Variants in PABIR3 observed in about 807,000 individuals in gnomAD.
PABIR3 encodes the protein PABIR family member 3.
Under a neutral mutation model 23.1 loss-of-function variants are expected in PABIR3, and 20 were observed. That is an observed-to-expected ratio of 0.86 (90% CI 0.61 to 1.26). The LOEUF (loss-of-function observed/expected upper bound fraction) is 1.26, where lower values mean the gene tolerates loss of function less well. Ranked by LOEUF, PABIR3 falls within the 50% of genes most tolerant of loss-of-function variation. The pLI is 0.00. For missense variants in PABIR3, 189 were observed against 195.4 expected, an observed-to-expected ratio of 0.97 and a Z score of 0.20; for synonymous variants, 69 against 68.5, an observed-to-expected ratio of 1.01 and a Z score of -0.04.
At chrX:134,811,595 CA>C (rs1025245992) in intron 2 of PABIR3, among the ~76,000 whole-genome samples, 1 of 110,613 alleles carries the variant, frequency 9.0e-6, no homozygotes, top group Non-Finnish European at 1.9e-5. Flanking sequence ...CTATGTTGGC[CA>C]GGCTAATTTT....
At chrX:134,838,637 C>T (rs1231488084) in intron 4 of PABIR3, 2 of 33,004 alleles carry the variant, frequency 6.1e-5, no homozygotes, top group Non-Finnish European at 1.0e-4. Flanking sequence ...CATTTTCCTC[C>T]CTCTCCCTCT....
At position 134,814,781 on chromosome X, in the gene PABIR3, CA is replaced by C; in HGVS notation, c.122del (p.Gln41ArgfsTer8). On this transcript the variant is annotated frameshift_variant, in exon 3 of 11. Coordinates refer to ENST00000645433, the MANE Select transcript of PABIR3 (RefSeq NM_001388447.1). LOFTEE classifies it high-confidence loss of function. ...TGTTTTTCTTTTTAGTTTTAATTCACAGGTGTTGCAAGCTGACATGTTAAGA... is the reference window on the plus strand; with the variant it reads ...TGTTTTTCTTTTTAGTTTTAATTCACGGTGTTGCAAGCTGACATGTTAAGA... ...PLINGLGFNS[Q>X]VLQADMLRIR... 3.4e-6 allele frequency: 4 copies of C among 1,181,537 alleles called. No individual in the cohort carries two copies. Among genetic ancestry groups the C allele is most frequent in the Non-Finnish European group, 4.6e-6 (4 of 878,511 alleles).
chrX:134,834,338 A>T (rs2081906613), intron 4 of PABIR3: 1 of 111,768 alleles, frequency 8.9e-6, no homozygotes, highest in Non-Finnish European at 1.9e-5. Context: ...GTCTGTTCAT[A>T]TCTTTTGCCC....
Position 134,845,421 on chromosome X carries a change from GTTTTGTAGAAAAT to G in PABIR3, c.345+23_345+35del. ...AAACTGGTATGATATTATAACTTCA[GTTTTGTAGAAAAT>G]TTCAAATTTTTACTGACTTACAGTG... On this transcript the variant is annotated intron_variant, in intron 6 of 10. Coordinates refer to ENST00000645433, the MANE Select transcript of PABIR3 (RefSeq NM_001388447.1). The G allele has an allele frequency of 1.7e-6, 2 of 1,160,004 alleles. No homozygotes were observed. Among genetic ancestry groups the G allele is most frequent in the Non-Finnish European group, 2.3e-6 (2 of 866,217 alleles).
At chrX:134,798,170 G>T (rs1180218681) in intron 1 of PABIR3, among the ~76,000 whole-genome samples, 1 of 112,470 alleles carries the variant, frequency 8.9e-6, no homozygotes, top group Non-Finnish European at 1.9e-5. Flanking sequence ...CTTGTTATGT[G>T]CTAGGCACTA....
At position 134,847,930 on chromosome X, in the gene PABIR3, G is replaced by A. The variant is rs764092732; in HGVS notation, c.486G>A (p.Ser162=). ...SLQTCVSCTG[S]PSSPIPSPMQ... is the part of the protein sequence containing the mutation. ...AAACTTGTGTGAGTTGCACTGGTTC[G>A]CCTTCAAGTCCTATTCCCAGTCCTA... The change falls in exon 8 of 11, where the codon TCG becomes TCA. Residue 162 remains serine, a synonymous_variant. Transcript: ENST00000645433. The A allele has an allele frequency of 6.1e-6, 7 of 1,152,973 alleles. No homozygotes were observed. In the Admixed American group the frequency reaches 7.8e-5, roughly 13 times the overall value.
At chrX:134,810,988 C>A in intron 2 of PABIR3, 1 of 753,549 alleles carries the variant, frequency 1.3e-6, no homozygotes. Flanking sequence ...AACATTGTTG[C>A]ACCTCTTTCA....
chrX:134,823,874 A>G (rs2081396821), intron 3 of PABIR3, among the ~76,000 whole-genome samples: 1 of 110,963 alleles, frequency 9.0e-6, no homozygotes, highest in South Asian at 3.7e-4. Context: ...AAAGTAAAAA[A>G]GAAAAAAAAG....
upstream of PABIR3, among the ~76,000 whole-genome samples, chrX:134,804,664 T>G (rs772730746): frequency 1.8e-3 from 201 of 112,705 alleles, 1 homozygote; most frequent in Non-Finnish European, 3.0e-3. Context: ...ATTCAAAATA[T>G]ACGTATGAAA....
At chrX:134,816,279 T>C (rs2080970994) in intron 3 of PABIR3, among the ~76,000 whole-genome samples, 1 of 112,388 alleles carries the variant, frequency 8.9e-6, no homozygotes, top group Non-Finnish European at 1.9e-5. Context: ...TGTAAGAGCT[T>C]GAGTAGGATT....
chrX:134,838,479 A>C (rs1406431329), intron 4 of PABIR3, among the ~76,000 whole-genome samples: 1 of 108,614 alleles, frequency 9.2e-6, no homozygotes, highest in East Asian at 2.9e-4. Flanking sequence ...ACGCCCAGCT[A>C]ATTTTAGTAG....
At chrX:134,814,720 A>AT in intron 2 of PABIR3, 51 bp from the exon 3 acceptor site, 12 of 942,906 alleles carry the variant, frequency 1.3e-5, no homozygotes, top group Non-Finnish European at 1.6e-5. Context: ...AAAAAAAAAA[A>AT]GAATTTTGTA....
intron 3 of PABIR3, chrX:134,821,323 T>A (rs755273505): frequency 8.7e-7 from 1 of 1,145,358 alleles, no homozygotes; most frequent in South Asian, 1.9e-5. Context: ...TTCACTTCTC[T>A]CAGGAAATTA....
intron 1 of PABIR3, among the ~76,000 whole-genome samples, chrX:134,797,395 C>T (rs1303196521): frequency 8.8e-6 from 1 of 113,011 alleles, no homozygotes; most frequent in African/African-American, 3.2e-5. Context: ...GCTGGAGCAT[C>T]AGCTTTCAGG....
chrX:134,836,212 G>A (rs1439802573), intron 4 of PABIR3, among the ~76,000 whole-genome samples: 1 of 111,256 alleles, frequency 9.0e-6, no homozygotes, highest in African/African-American at 3.3e-5. Context: ...GCCTCAAGTG[G>A]TACTCCTGCC....
At chrX:134,836,424 G>A (rs943280918) in intron 4 of PABIR3, among the ~76,000 whole-genome samples, 4 of 112,571 alleles carry the variant, frequency 3.6e-5, no homozygotes, top group South Asian at 7.2e-4. Flanking sequence ...CAAACTGGGC[G>A]GCTTAAACAA....
At chrX:134,847,314 C>T (rs1235216913) in intron 6 of PABIR3, 69 bp from the exon 7 acceptor site, 1 of 799,972 alleles carries the variant, frequency 1.3e-6, no homozygotes, top group Non-Finnish European at 1.8e-6. Context: ...CCCTGTGCAA[C>T]AGGTATCTCA....
At chrX:134,845,444 T>C (rs1338050093) in intron 6 of PABIR3, 43 bp downstream of exon 6, 1 of 1,038,435 alleles carries the variant, frequency 9.6e-7, no homozygotes, top group Admixed American at 2.7e-5. Flanking sequence ...TTTCAAATTT[T>C]TACTGACTTA....
intron 2 of PABIR3, among the ~76,000 whole-genome samples, chrX:134,812,315 T>A (rs1019220969): frequency 2.7e-5 from 3 of 111,907 alleles, no homozygotes; most frequent in Non-Finnish European, 5.6e-5. Context: ...CCCCTACACA[T>A]GTACACAAAA....
Sources: allele counts gnomAD v4.1 joint callset (sites outside exome capture counted in the v4.1 genomes callset), GRCh38; gene constraint gnomAD v4.1.1; transcripts MANE v1.5; gene names NCBI Gene and HGNC (gene_info 2026-07-23, HGNC 2026-07-21).